IKBKB-DT: variants seen among roughly 807,000 people sequenced by gnomAD.
IKBKB-DT encodes IKBKB divergent transcript, also known as IKBKB antisense RNA.
chr8:42,252,799 A>G (rs920858140), intron 3 of IKBKB-DT, among the ~76,000 whole-genome samples: 1 of 152,238 alleles, frequency 6.6e-6, no homozygotes, highest in Non-Finnish European at 1.5e-5. Flanking sequence ...AAAAGTACAA[A>G]GGGGTCATTC....
intron 3 of IKBKB-DT, among the ~76,000 whole-genome samples, chr8:42,240,224 T>G (rs1285787845): frequency 2.5e-5 from 2 of 78,798 alleles, no homozygotes; most frequent in East Asian, 2.1e-4. Flanking sequence ...CCAAATGCTG[T>G]TTTTTTTTTT....
rs372557159 is a variant in IKBKB-DT, at chr8:42,240,226, T to G, written n.1530-6367A>C. Among the ~76,000 whole-genome samples the G allele has an allele frequency of 3.3e-5, 5 of 151,936 alleles. No individual in the cohort carries two copies. The East Asian group carries it at 5.8e-4, about 18-fold the overall frequency. ...GGCAATTTGTTAGCCAAATGCTGTT[T>G]TTTTTTTTTTTGAGGAATCACTTTG... On this transcript the variant is annotated intron_variant and non_coding_transcript_variant, in intron 3 of 3. Transcript: ENST00000518213.
At chr8:42,248,999 G>A (rs1807096829) in intron 3 of IKBKB-DT, 3 of 152,090 alleles carry the variant, frequency 2.0e-5, no homozygotes, top group South Asian at 2.1e-4. Flanking sequence ...TTTTACACTG[G>A]TTCATTTGAA....
rs58179481 is a variant in IKBKB-DT, at chr8:42,235,853, A to G, written n.1530-1994T>C. Among the ~76,000 whole-genome samples, 1,390 of 152,184 alleles carry G rather than the reference A, an allele frequency of 9.1e-3. 31 individuals carry two copies. Among genetic ancestry groups the G allele is most frequent in the African/African-American group, 0.032 (1,338 of 41,520 alleles). ...AGAACCAATTGGCTCAGCCTGGCCAACATGGTTAGACCCCATCTCCACTAA... is the reference window on the plus strand; with the variant it reads ...AGAACCAATTGGCTCAGCCTGGCCAGCATGGTTAGACCCCATCTCCACTAA... On this transcript the variant is annotated intron_variant and non_coding_transcript_variant, in intron 3 of 3. Transcript: ENST00000518213.
intron 3 of IKBKB-DT, among the ~76,000 whole-genome samples, chr8:42,260,805 A>G (rs1807276096): frequency 6.6e-6 from 1 of 151,910 alleles, no homozygotes; most frequent in Non-Finnish European, 1.5e-5. Context: ...CAGAAAATGT[A>G]TACTTAGCAA....
chr8:42,234,896 C>T (rs1235484821), intron 3 of IKBKB-DT, among the ~76,000 whole-genome samples: 1 of 152,196 alleles, frequency 6.6e-6, no homozygotes, highest in East Asian at 1.9e-4. Context: ...TCCCAAAGTG[C>T]TGGGATTACA....
intron 3 of IKBKB-DT, among the ~76,000 whole-genome samples, chr8:42,235,470 G>T (rs1359036685): frequency 1.3e-5 from 2 of 152,010 alleles, no homozygotes; most frequent in Non-Finnish European, 2.9e-5. Flanking sequence ...CTCCCATATT[G>T]CTGAGATTAC....
chr8:42,235,210 T>C (rs543067668), intron 3 of IKBKB-DT, among the ~76,000 whole-genome samples: 147 of 143,788 alleles, frequency 1.0e-3, no homozygotes, highest in African/African-American at 3.6e-3. Context: ...ATTTTCTTTT[T>C]TTTTTTTTTT....
intron 3 of IKBKB-DT, among the ~76,000 whole-genome samples, chr8:42,254,006 C>T (rs1234030167): frequency 6.6e-6 from 1 of 152,206 alleles, no homozygotes; most frequent in African/African-American, 2.4e-5. Flanking sequence ...CTTTCTTGGA[C>T]CAGTATAAGC....
Position 42,246,035 on chromosome 8 carries a change from CT to C in IKBKB-DT, n.1530-12177del, listed in dbSNP as rs556553928. The stretch of plus-strand genomic sequence containing the variant: ...TGATGCAGAGATATTTTCTTTTATG[CT>C]TGTTTTGTTTTTTGTTTCGAGACAG... On this transcript the variant is annotated intron_variant and non_coding_transcript_variant, in intron 3 of 3. Coordinates refer to ENST00000518213, the Ensembl canonical transcript of IKBKB-DT. Among the ~76,000 whole-genome samples the C allele has an allele frequency of 2.9e-3, 448 of 152,204 alleles. 5 individuals are homozygous for C. The highest frequency in any genetic ancestry group is 0.024 in the Middle Eastern group (7 of 294).
intron 3 of IKBKB-DT, among the ~76,000 whole-genome samples, chr8:42,237,103 T>C (rs1042589530): frequency 7.9e-5 from 12 of 151,930 alleles, no homozygotes; most frequent in Non-Finnish European, 1.5e-4. Context: ...GTTTGTTTGT[T>C]TTTGAGATGG....
Position 42,239,614 on chromosome 8 carries a change from T to TTA in IKBKB-DT, n.1530-5757_1530-5756dup, listed in dbSNP as rs113469700. ...CCAACCAATTTTTGTAAAAGGCAATTTATATATATATATATATATATTTAT... is the reference window on the plus strand; with the variant it reads ...CCAACCAATTTTTGTAAAAGGCAATTTATATATATATATATATATATATTTAT... On this transcript the variant is annotated intron_variant and non_coding_transcript_variant, in intron 3 of 3. Transcript: ENST00000518213. 1.3e-3 allele frequency among the ~76,000 whole-genome samples: 25 copies of TTA among 19,902 alleles called. 3 individuals carry two copies. The highest frequency in any genetic ancestry group is 2.4e-3 in the South Asian group (1 of 422). The allele number at this position is 19,902 out of a possible 152,430, so 13.1% of individuals were successfully genotyped here. A position where few individuals can be genotyped will look rare whatever the true frequency, so the allele number is the denominator to read the frequency against.
intron 3 of IKBKB-DT, among the ~76,000 whole-genome samples, chr8:42,245,307 C>T (rs1227989170): frequency 6.6e-6 from 1 of 152,114 alleles, no homozygotes; most frequent in Non-Finnish European, 1.5e-5. Context: ...TTTGATGATT[C>T]TTTACGTGTT....
intron 3 of IKBKB-DT, among the ~76,000 whole-genome samples, chr8:42,237,472 G>A (rs1806939825): frequency 6.6e-6 from 1 of 152,140 alleles, no homozygotes; most frequent in Non-Finnish European, 1.5e-5. Flanking sequence ...GGGCATATCT[G>A]ACCTCCTTTC....
chr8:42,242,831 C>T lies in IKBKB-DT; in HGVS notation n.1530-8972G>A, dbSNP rs542013215. 1.1e-4 allele frequency among the ~76,000 whole-genome samples: 17 copies of T among 152,326 alleles called. No individual in the cohort carries two copies. In the East Asian group the frequency reaches 1.5e-3, roughly 14 times the overall value. On this transcript the variant is annotated intron_variant and non_coding_transcript_variant, in intron 3 of 3. Coordinates refer to ENST00000518213, the Ensembl canonical transcript of IKBKB-DT. The stretch of plus-strand genomic sequence containing the variant: ...ACACTGGCTCTGGCCATACCCAGTG[C>T]GATTTCCACATGATGGCTGCAGGAC...
At chr8:42,251,404 A>G (rs534136360) in intron 3 of IKBKB-DT, among the ~76,000 whole-genome samples, 14 of 152,322 alleles carry the variant, frequency 9.2e-5, no homozygotes, top group African/African-American at 3.1e-4. Context: ...AGTGCAGGGA[A>G]GAACAAAGAA....
chr8:42,265,610 CA>C (rs1807359023), intron 2 of IKBKB-DT: 1 of 152,244 alleles, frequency 6.6e-6, no homozygotes, highest in Admixed American at 6.5e-5. Context: ...AGCCGAAAAG[CA>C]TACCTGTTGG....
At chr8:42,267,674 G>GA (rs1356112939) in intron 1 of IKBKB-DT, among the ~76,000 whole-genome samples, 1 of 152,160 alleles carries the variant, frequency 6.6e-6, no homozygotes, top group African/African-American at 2.4e-5. Context: ...AAAGCAGGAA[G>GA]AAAAGGGGAC....
chr8:42,234,993 G>T (rs1806899857), intron 3 of IKBKB-DT, among the ~76,000 whole-genome samples: 1 of 152,046 alleles, frequency 6.6e-6, no homozygotes, highest in Admixed American at 6.6e-5. Context: ...CTAATGAAAG[G>T]CCACCAAGTT....
Sources: gnomAD v4.1 joint callset for allele counts (sites outside exome capture counted in the v4.1 genomes callset) on GRCh38, gnomAD v4.1.1 for gene constraint, MANE v1.5 for transcripts, NCBI Gene and HGNC (gene_info 2026-07-23, HGNC 2026-07-21) for gene names.